AGBL2: variants seen among roughly 807,000 people sequenced by gnomAD.
The protein encoded by AGBL2 is cytosolic carboxypeptidase 2.
AGBL2 carries 87 observed loss-of-function variants against 103.0 expected under a neutral mutation model. That is an observed-to-expected ratio of 0.84 (90% CI 0.71 to 1.01). AGBL2 has a LOEUF of 1.01. Ranked by LOEUF, AGBL2 falls within the 50% of genes least tolerant of loss-of-function variation. The pLI, the probability that AGBL2 is intolerant of heterozygous loss-of-function variation, is 0.00. For synonymous variants in AGBL2, 335 were observed against 356.7 expected (o/e 0.94, Z 0.69); for missense variants, 904 against 1,023.5 (o/e 0.88, Z 1.59).
In AGBL2 at chr11:47,667,600, G is replaced by C; in HGVS notation, c.2311C>G (p.Gln771Glu). Residue 771 changes from glutamine (Q) to glutamate (E), a missense_variant, in exon 16 of 19, where the codon CAG becomes GAG. Transcript: ENST00000525123. ...GTATCTTCTGTTAACTTTAACTTCTGCATCAAATTTTTTTTCTGATACTGC... is the reference window on the plus strand; with the variant it reads ...GTATCTTCTGTTAACTTTAACTTCTCCATCAAATTTTTTTTCTGATACTGC... ...NEQYQKKNLM[Q>E]KLKLTEDTSE... The C allele has an allele frequency of 6.2e-7, 1 of 1,613,910 alleles. No homozygotes were observed. The highest frequency in any genetic ancestry group is 8.5e-7 in the Non-Finnish European group (1 of 1,179,962).
chr11:47,684,586 A>G (rs183880927), intron 11 of AGBL2, among the ~76,000 whole-genome samples: 131 of 151,606 alleles, frequency 8.6e-4, no homozygotes, highest in African/African-American at 3.1e-3. Context: ...AGAAAAAAAA[A>G]TAAGTAAAAT....
intron 17 of AGBL2, among the ~76,000 whole-genome samples, chr11:47,666,302 G>A (rs143224140): frequency 2.0e-3 from 304 of 150,782 alleles, no homozygotes; most frequent in African/African-American, 7.3e-3. Flanking sequence ...GCTGAGACCC[G>A]AGAATCACTT....
Position 47,686,634 on chromosome 11 carries a change from C to T in AGBL2, c.1632-585G>A, listed in dbSNP as rs75192104. The stretch of plus-strand genomic sequence containing the variant: ...TCCCCTGGTGATACATGAGCTCTCA[C>T]TCTGACTTTGCACAAGATCTGGTTG... On this transcript the variant is annotated intron_variant, in intron 10 of 18. Coordinates refer to ENST00000525123, the MANE Select transcript of AGBL2 (RefSeq NM_024783.4). Among the ~76,000 whole-genome samples the T allele has an allele frequency of 3.1e-3, 466 of 151,840 alleles. 4 individuals are homozygous for T. The highest frequency in any genetic ancestry group is 0.011 in the African/African-American group (454 of 41,434).
intron 18 of AGBL2, among the ~76,000 whole-genome samples, chr11:47,662,586 G>A (rs750855282): frequency 2.6e-5 from 4 of 151,740 alleles, no homozygotes; most frequent in African/African-American, 9.7e-5. Flanking sequence ...TCTGCCTCCC[G>A]GGTTCAAGCG....
intron 4 of AGBL2, among the ~76,000 whole-genome samples, chr11:47,706,955 G>A (rs1311875616): frequency 6.9e-6 from 1 of 145,896 alleles, no homozygotes; most frequent in Non-Finnish European, 1.5e-5. Context: ...GGGAGGCCAA[G>A]GCAGGCGGAT....
At chr11:47,714,166 T>C (rs1439075437) in intron 3 of AGBL2, 118 bp downstream of exon 3, 5 of 739,894 alleles carry the variant, frequency 6.8e-6, no homozygotes, top group Non-Finnish European at 9.3e-6. Context: ...GAGGAAAAAG[T>C]ATTTATTTGT....
Position 47,680,116 on chromosome 11 carries a change from T to C in AGBL2, c.1916-43A>G. On this transcript the variant is annotated intron_variant, in intron 12 of 18. Transcript: ENST00000525123. ...CCCGCAAACATTTCCAATTAAATCT[T>C]AGTGACTGAATGTAAATCTAATTTA... is the stretch of plus-strand genomic sequence containing the variant. 1.7e-6 allele frequency: 2 copies of C among 1,201,566 alleles called. 1 individual carries two copies. Among genetic ancestry groups the C allele is most frequent in the Non-Finnish European group, 2.4e-6 (2 of 828,224 alleles). 74.4% of individuals were successfully genotyped at this position (1,201,566 alleles called of 1,614,324 possible).
At chr11:47,675,083 C>T (rs1404946651) in intron 14 of AGBL2, among the ~76,000 whole-genome samples, 4 of 151,834 alleles carry the variant, frequency 2.6e-5, no homozygotes. Flanking sequence ...CTTGCTAGTC[C>T]CTTCGTCTCA....
chr11:47,701,055 C>CAA (rs527373784), intron 7 of AGBL2, among the ~76,000 whole-genome samples: 1 of 132,066 alleles, frequency 7.6e-6, no homozygotes, highest in African/African-American at 2.8e-5. Context: ...GACTCTGTCT[C>CAA]AAAAAAAAAA....
intron 7 of AGBL2, among the ~76,000 whole-genome samples, chr11:47,703,854 G>A (rs555198992): frequency 2.6e-5 from 4 of 151,808 alleles, no homozygotes; most frequent in African/African-American, 9.7e-5. Flanking sequence ...GAACCTGCGA[G>A]GCGGAGGTTG....
chr11:47,704,783 T>G (rs2097511747), intron 6 of AGBL2, 55 bp from the exon 7 acceptor site: 4 of 1,410,220 alleles, frequency 2.8e-6, no homozygotes, highest in Non-Finnish European at 4.0e-6. Flanking sequence ...TTGGGAACTT[T>G]ACTGCTCATC....
At chr11:47,714,917 T>G (rs1599139193) in intron 1 of AGBL2, 167 bp from the exon 2 acceptor site, 5 of 488,012 alleles carry the variant, frequency 1.0e-5, no homozygotes, top group Non-Finnish European at 1.5e-5. Context: ...GCAGCGTATC[T>G]TCCCGCTTCT....
chr11:47,708,373 A>G (rs1178970409), intron 4 of AGBL2, among the ~76,000 whole-genome samples: 2 of 150,906 alleles, frequency 1.3e-5, no homozygotes, highest in African/African-American at 2.4e-5. Context: ...CAGCCCAATC[A>G]TCTTTTATTA....
rs2097517509 is a variant in AGBL2 at position 47,705,998 on chromosome 11, C to A, written c.233-81G>T. 2.6e-6 allele frequency: 3 copies of A among 1,147,594 alleles called. No individual in the cohort carries two copies. The East Asian group carries it at 7.0e-5, about 27-fold the overall frequency. 71.1% of individuals were successfully genotyped at this position (1,147,594 alleles called of 1,614,324 possible). A position where few individuals can be genotyped will look rare whatever the true frequency, so the allele number is the denominator to read the frequency against. On this transcript the variant is annotated intron_variant, in intron 4 of 18. Coordinates refer to ENST00000525123, the MANE Select transcript of AGBL2 (RefSeq NM_024783.4). ...TCTGTCTGCTATCCCCATCCCTTCT[C>A]ATTTCCTATGCTCACTCTGGACCCC...
intron 4 of AGBL2, among the ~76,000 whole-genome samples, chr11:47,706,231 G>C (rs994419738): frequency 3.3e-5 from 5 of 152,084 alleles, no homozygotes; most frequent in Non-Finnish European, 5.9e-5. Context: ...AGACCAGCCT[G>C]GCCGGCTGGG....
At position 47,705,554 on chromosome 11, in the gene AGBL2, G is replaced by C; in HGVS notation, c.367C>G (p.Pro123Ala). The C allele has an allele frequency of 4.6e-6, 2 of 436,020 alleles. No individual in the cohort carries two copies. Among genetic ancestry groups the C allele is most frequent in the Non-Finnish European group, 8.6e-6 (2 of 232,822 alleles). The allele number at this position is 436,020 out of a possible 1,614,324, so 27.0% of individuals were successfully genotyped here. A position where few individuals can be genotyped will look rare whatever the true frequency, so the allele number is the denominator to read the frequency against. ...QPPPPRFKDSPASAFRVAGIT... is the reference protein window; with the variant it reads ...QPPPPRFKDSAASAFRVAGIT... Reference sequence around the variant, plus strand: ...CCAGCTACTCGGAAAGCTGAGGCAGGAGAATCCTTGAATCTGGGAGGTGGA... The same window carrying C: ...CCAGCTACTCGGAAAGCTGAGGCAGCAGAATCCTTGAATCTGGGAGGTGGA... Residue 123 changes from proline to alanine, a missense_variant, in exon 6 of 19, where the codon CCT becomes GCT. Transcript: ENST00000525123.
intron 18 of AGBL2, among the ~76,000 whole-genome samples, chr11:47,661,540 T>C (rs886288519): frequency 3.3e-5 from 5 of 152,126 alleles, no homozygotes; most frequent in African/African-American, 1.2e-4. Context: ...AAGACACTGA[T>C]AGGTAAATGA....
intron 1 of AGBL2, 52 bp from the exon 2 acceptor site, chr11:47,714,802 G>A: frequency 2.6e-6 from 2 of 756,026 alleles, no homozygotes; most frequent in East Asian, 2.5e-5. Context: ...CTCCCCGGGC[G>A]CCCCCCAGCT....
At chr11:47,667,435 C>G in intron 16 of AGBL2, 136 bp downstream of exon 16, 1 of 1,169,722 alleles carries the variant, frequency 8.5e-7, no homozygotes, top group East Asian at 2.4e-5. Context: ...GGGTTCTGAT[C>G]GCAAAACAGA....
Sources: gnomAD v4.1 joint callset for allele counts (sites outside exome capture counted in the v4.1 genomes callset) on GRCh38, gnomAD v4.1.1 for gene constraint, MANE v1.5 for transcripts, NCBI Gene and HGNC (gene_info 2026-07-23, HGNC 2026-07-21) for gene names.